ELAPOR2: variants seen among roughly 807,000 people sequenced by gnomAD.
ELAPOR2 encodes the protein endosome-lysosome associated apoptosis and autophagy regulator family member 2.
In ELAPOR2, 89 loss-of-function variants were observed where a neutral mutation model predicts 120.7. The observed-to-expected ratio is 0.74, with a 90% CI of 0.62 to 0.88. The LOEUF (loss-of-function observed/expected upper bound fraction) is 0.88, where lower values mean the gene tolerates loss of function less well. Among genes scored for constraint, ELAPOR2 ranks in the 40% least tolerant of loss-of-function variants. The pLI is 0.00. For synonymous variants in ELAPOR2, 444 were observed against 444.9 expected (o/e 1.00, Z 0.03); for missense variants, 1,134 against 1,251.6 (o/e 0.91, Z 1.42).
chr7:86,965,936 A>G (rs1456455629), intron 1 of ELAPOR2: 2 of 985,250 alleles, frequency 2.0e-6, no homozygotes, highest in Non-Finnish European at 2.4e-6. Flanking sequence ...GGACATCAGG[A>G]ATGAGAAGGC....
intron 19 of ELAPOR2, among the ~76,000 whole-genome samples, chr7:86,896,457 C>A (rs1788441747): frequency 6.6e-6 from 1 of 152,082 alleles, no homozygotes; most frequent in African/African-American, 2.4e-5. Flanking sequence ...GGATTGGGCG[C>A]AAGCATCCTG....
At chr7:86,948,038 G>A (rs984744200) in intron 2 of ELAPOR2, 116 bp from the exon 3 acceptor site, 22 of 707,364 alleles carry the variant, frequency 3.1e-5, no homozygotes, top group Non-Finnish European at 4.4e-5. Context: ...TCAAACGAAA[G>A]CCTTTCAAAT....
chr7:87,046,341 T>G (rs1319888016), intron 1 of ELAPOR2, among the ~76,000 whole-genome samples: 1 of 152,200 alleles, frequency 6.6e-6, no homozygotes, highest in Non-Finnish European at 1.5e-5. Context: ...GTTTATGAAT[T>G]GGAAGAATAT....
At chr7:87,005,255 C>T (rs1320121748) in intron 1 of ELAPOR2, among the ~76,000 whole-genome samples, 1 of 152,108 alleles carries the variant, frequency 6.6e-6, no homozygotes, top group Non-Finnish European at 1.5e-5. Flanking sequence ...ACTGTATTTA[C>T]TATAAGCATC....
chr7:86,958,799 A>G (rs1791582804), intron 2 of ELAPOR2, among the ~76,000 whole-genome samples: 1 of 152,226 alleles, frequency 6.6e-6, no homozygotes, highest in Non-Finnish European at 1.5e-5. Flanking sequence ...TTTTTGCTCA[A>G]AATCGCTTTG....
chr7:86,877,303 C>T lies in ELAPOR2; in HGVS notation c.*3168G>A, dbSNP rs182617552. ...AGATGAATTCCATTTTAGCTTCCAA[C>T]GAATGAGTCGGGTGTTGAGATTTCT... On this transcript the variant is annotated 3_prime_UTR_variant, in exon 22 of 22. Transcript: ENST00000450689. The T allele has an allele frequency of 1.3e-5, 2 of 152,204 alleles. No individual in the cohort carries two copies. Among genetic ancestry groups the T allele is most frequent in the East Asian group, 1.9e-4 (1 of 5,184 alleles). The allele number at this position is 152,204 out of a possible 1,614,324, so 9.4% of individuals were successfully genotyped here.
intron 1 of ELAPOR2, among the ~76,000 whole-genome samples, chr7:86,998,314 A>G (rs767437): frequency 0.38 from 57,505 of 152,040 alleles, 11,732 homozygotes; most frequent in African/African-American, 0.53. Context: ...TTTATCATCC[A>G]TTAGCTCACA....
chr7:86,936,194 G>A (rs1462926043), intron 8 of ELAPOR2, among the ~76,000 whole-genome samples: 1 of 151,964 alleles, frequency 6.6e-6, no homozygotes, highest in Non-Finnish European at 1.5e-5. Flanking sequence ...TTCTCAGCAA[G>A]AATAAAATAT....
At position 86,931,305 on chromosome 7, in the gene ELAPOR2, T is replaced by C. The variant is rs1218391282; in HGVS notation, c.1090-4389A>G. On this transcript the variant is annotated intron_variant, in intron 8 of 21. Transcript: ENST00000450689. ...ATGGAAATGATAGCTGCTTGTGGTA[T>C]TAACACTACCGTTACTGTCTCATCA... is the stretch of plus-strand genomic sequence containing the variant. Among the ~76,000 whole-genome samples, 9 of 152,032 alleles carry C rather than the reference T, an allele frequency of 5.9e-5. No homozygotes were observed. The East Asian group carries it at 1.6e-3, about 26-fold the overall frequency.
intron 20 of ELAPOR2, among the ~76,000 whole-genome samples, chr7:86,892,358 T>C (rs1788207123): frequency 6.6e-6 from 1 of 152,056 alleles, no homozygotes; most frequent in Admixed American, 6.6e-5. Context: ...GATATTACAA[T>C]ATAGGAGTTC....
intron 1 of ELAPOR2, among the ~76,000 whole-genome samples, chr7:86,975,238 A>C (rs555694159): frequency 5.3e-5 from 8 of 152,328 alleles, no homozygotes; most frequent in African/African-American, 1.9e-4. Flanking sequence ...GTAAAAGCTG[A>C]TTCTTGCCAA....
chr7:86,886,443 A>G (rs1027581623), intron 21 of ELAPOR2, among the ~76,000 whole-genome samples: 4 of 152,138 alleles, frequency 2.6e-5, no homozygotes, highest in African/African-American at 7.2e-5. Context: ...ACAATTCTCT[A>G]TAACTAATGA....
At chr7:86,921,665 C>T (rs1189725024) in intron 10 of ELAPOR2, among the ~76,000 whole-genome samples, 1 of 152,024 alleles carries the variant, frequency 6.6e-6, no homozygotes, top group African/African-American at 2.4e-5. Flanking sequence ...TCATGATACC[C>T]TTAGCAGGAA....
intron 1 of ELAPOR2, among the ~76,000 whole-genome samples, chr7:87,028,483 G>A (rs998545118): frequency 6.6e-6 from 1 of 151,802 alleles, no homozygotes; most frequent in Admixed American, 6.6e-5. Context: ...TTGCTCCCTA[G>A]GAGACCTTAG....
chr7:87,053,753 G>A (rs1169874980), intron 1 of ELAPOR2, among the ~76,000 whole-genome samples: 1 of 152,156 alleles, frequency 6.6e-6, no homozygotes, highest in African/African-American at 2.4e-5. Context: ...TATAGGGATG[G>A]ATCTAGGTCA....
chr7:86,905,230 G>T (rs1272993053), intron 18 of ELAPOR2, among the ~76,000 whole-genome samples: 2 of 148,974 alleles, frequency 1.3e-5, no homozygotes, highest in African/African-American at 2.5e-5. Flanking sequence ...GAGAAGAGAA[G>T]AAGTCCTCTT....
rs141083478 is a variant in ELAPOR2, at chr7:87,034,137, T to C, written c.189+25188A>G. Among the ~76,000 whole-genome samples, 97 of 152,292 alleles carry C rather than the reference T, an allele frequency of 6.4e-4. 1 individual carries two copies. Among genetic ancestry groups the C allele is most frequent in the South Asian group, 4.1e-3 (20 of 4,828 alleles). ...TGTAACCATATGTGTACACTGATAATGAAATACATGCAAAGGACTTTTGAT... is the reference window on the plus strand; with the variant it reads ...TGTAACCATATGTGTACACTGATAACGAAATACATGCAAAGGACTTTTGAT... On this transcript the variant is annotated intron_variant, in intron 1 of 21. Coordinates refer to ENST00000450689, the MANE Select transcript of ELAPOR2 (RefSeq NM_001142749.3).
chr7:86,994,492 A>C (rs1225445816), intron 1 of ELAPOR2, among the ~76,000 whole-genome samples: 1 of 152,236 alleles, frequency 6.6e-6, no homozygotes, highest in Non-Finnish European at 1.5e-5. Flanking sequence ...CCCCACTAAC[A>C]CATATACTTT....
At position 87,045,965 on chromosome 7, in the gene ELAPOR2, TAAGAAA is replaced by T. The variant is rs1428974035; in HGVS notation, c.189+13354_189+13359del. Among the ~76,000 whole-genome samples, 6 of 151,212 alleles carry T rather than the reference TAAGAAA, an allele frequency of 4.0e-5. No homozygotes were observed. The South Asian group carries it at 1.3e-3, about 32-fold the overall frequency. ...GGAAATCCTAGATAGAGCAATCAGA[TAAGAAA>T]AAGAAAAAAAGGGCATCCAAATTGG... On this transcript the variant is annotated intron_variant, in intron 1 of 21. Coordinates refer to ENST00000450689, the MANE Select transcript of ELAPOR2 (RefSeq NM_001142749.3).
Sources: gnomAD v4.1 joint callset for allele counts (sites outside exome capture counted in the v4.1 genomes callset) on GRCh38, gnomAD v4.1.1 for gene constraint, MANE v1.5 for transcripts, NCBI Gene and HGNC (gene_info 2026-07-23, HGNC 2026-07-21) for gene names.